The following ATAD2B variants were observed in gnomAD, a reference collection of about 807,000 sequenced individuals.
ATAD2B encodes the protein ATPase family AAA domain-containing protein 2B.
A neutral mutation model predicts 167.6 loss-of-function variants in ATAD2B; 40 were observed. The observed-to-expected ratio is 0.24, with a 90% CI of 0.19 to 0.31. The LOEUF is 0.31. Among genes scored for constraint, ATAD2B ranks in the 10% least tolerant of loss-of-function variants. The probability of loss-of-function intolerance (pLI) is 1.00; values close to 1 mark genes in which losing one functional copy is unlikely to be tolerated. For missense variants in ATAD2B, 1,242 were observed against 1,757.2 expected (o/e 0.71, Z 5.24); for synonymous variants, 579 against 596.5 (o/e 0.97, Z 0.43).
At chr2:23,881,317 A>C (rs1052857207) in intron 6 of ATAD2B, among the ~76,000 whole-genome samples, 11 of 150,034 alleles carry the variant, frequency 7.3e-5, no homozygotes, top group Admixed American at 2.7e-4. Context: ...ACAGACTTCT[A>C]GGGTATTGGT....
At chr2:23,686,374 G>T in the ATAD2B span, among the ~76,000 whole-genome samples, 1 of 152,170 alleles carries the variant, frequency 6.6e-6, no homozygotes, top group East Asian at 1.9e-4. Context: ...GGAGACCTGG[G>T]TCCTACGCCT....
chr2:23,822,550 A>C (rs1487903694), intron 16 of ATAD2B, among the ~76,000 whole-genome samples: 1 of 151,906 alleles, frequency 6.6e-6, no homozygotes, highest in African/African-American at 2.4e-5. Flanking sequence ...GTCTCAAAAA[A>C]AATAAATTAC....
At chr2:23,892,924 T>C (rs72851387) in intron 2 of ATAD2B, among the ~76,000 whole-genome samples, 1,575 of 152,370 alleles carry the variant, frequency 0.01, 23 homozygotes, top group African/African-American at 0.037. Flanking sequence ...ACTCACAGTA[T>C]TTGTAAGCTA....
At chr2:23,918,868 T>C (rs1703463668) in intron 1 of ATAD2B, among the ~76,000 whole-genome samples, 1 of 152,190 alleles carries the variant, frequency 6.6e-6, no homozygotes, top group Admixed American at 6.5e-5. Flanking sequence ...CCACTTAACC[T>C]CTAAGGCAAC....
Position 23,786,074 on chromosome 2 carries a change from T to C in ATAD2B, c.2926A>G (p.Thr976Ala), listed in dbSNP as rs773011937. 2 of 1,612,338 alleles carry C rather than the reference T, an allele frequency of 1.2e-6. No individual in the cohort carries two copies. Among genetic ancestry groups the C allele is most frequent in the Non-Finnish European group, 1.7e-6 (2 of 1,179,116 alleles). The change falls in exon 21 of 28, where the codon ACA becomes GCA. Residue 976 changes from threonine (T) to alanine (A), a missense_variant. Thr to Ala is a moderately conservative substitution (Grantham distance 58). Around this residue, in one of 9 missense-constraint regions of ATAD2B, gnomAD observed 204 missense variants for 324.0 expected, o/e 0.63. Coordinates refer to ENST00000238789, the MANE Select transcript of ATAD2B (RefSeq NM_017552.4). The stretch of plus-strand genomic sequence containing the variant: ...CTGAAGATGTTAAAGCGTTTATCTG[T>C]GGCCAGCCTCTTGGTTACATCCCTG... ...FLRDVTKRLA[T>A]DKRFNIFSKP...
chr2:23,717,501 A>C, the ATAD2B span, among the ~76,000 whole-genome samples: 3 of 152,126 alleles, frequency 2.0e-5, no homozygotes, highest in East Asian at 5.8e-4. Flanking sequence ...GTCCAAATAG[A>C]AGGAGGTGAC....
rs1675741201 is a variant in ATAD2B at position 23,754,636 on chromosome 2, G to C, written c.4206+11C>G. The C allele has an allele frequency of 1.2e-6, 2 of 1,608,442 alleles. No homozygotes were observed. Among genetic ancestry groups the C allele is most frequent in the South Asian group, 1.1e-5 (1 of 89,826 alleles). The stretch of plus-strand genomic sequence containing the variant: ...TTCATTTAAAACTTGACTGGGAATA[G>C]CTAAGCTTACCTTCAATCTCTCACG... On this transcript the variant is annotated intron_variant, in intron 26 of 27. Transcript: ENST00000238789.
At chr2:23,899,434 A>T (rs1262401997) in intron 1 of ATAD2B, among the ~76,000 whole-genome samples, 24 of 152,118 alleles carry the variant, frequency 1.6e-4, no homozygotes, top group Admixed American at 1.6e-3. Context: ...ACCATCACTT[A>T]TTAGGTTAAG....
At chr2:23,808,140 ACTTAT>A (rs1303305254) in intron 18 of ATAD2B, among the ~76,000 whole-genome samples, 1 of 105,528 alleles carries the variant, frequency 9.5e-6, no homozygotes, top group African/African-American at 4.0e-5. Flanking sequence ...ATAAGTGATT[ACTTAT>A]ATTATATGTT....
In ATAD2B at chr2:23,751,949, G is replaced by T; in HGVS notation, c.*97C>A. 1.0e-6 allele frequency: 1 copy of T among 959,374 alleles called. No homozygotes were observed. Among genetic ancestry groups the T allele is most frequent in the Non-Finnish European group, 1.6e-6 (1 of 622,162 alleles). 59.4% of individuals were successfully genotyped at this position (959,374 alleles called of 1,614,324 possible). On this transcript the variant is annotated 3_prime_UTR_variant, in exon 28 of 28. Transcript: ENST00000238789. ...GAGTGAGAGAGCACTTTACACCAAGGCTCTGCACATAATTGGTGCAATTTG... is the reference window on the plus strand; with the variant it reads ...GAGTGAGAGAGCACTTTACACCAAGTCTCTGCACATAATTGGTGCAATTTG...
chr2:23,678,820 A>C, the ATAD2B span, among the ~76,000 whole-genome samples: 1 of 152,230 alleles, frequency 6.6e-6, no homozygotes, highest in African/African-American at 2.4e-5. Context: ...CACAGGACAA[A>C]TATTGCATAA....
the ATAD2B span, chr2:23,696,196 G>A: frequency 4.4e-5 from 66 of 1,511,480 alleles, no homozygotes; most frequent in East Asian, 6.9e-4. The surrounding 1 kb of genome is among the most constrained non-coding windows in gnomAD (Gnocchi z 5.5). Flanking sequence ...TGCTCCCCAC[G>A]TCAGGGCTGA....
intron 13 of ATAD2B, among the ~76,000 whole-genome samples, chr2:23,838,133 C>A (rs2149786025): frequency 6.6e-6 from 1 of 152,282 alleles, no homozygotes; most frequent in South Asian, 2.1e-4. Flanking sequence ...AATCAAAATG[C>A]TAGATACCCA....
intron 2 of ATAD2B, 141 bp from the exon 3 acceptor site, chr2:23,888,540 A>G (rs1172898185): frequency 6.9e-6 from 4 of 577,892 alleles, no homozygotes; most frequent in East Asian, 6.4e-5. Context: ...GATTGGTAAT[A>G]TGTCAATTAA....
the ATAD2B span, among the ~76,000 whole-genome samples, chr2:23,729,539 G>A: frequency 1.3e-5 from 2 of 151,918 alleles, no homozygotes; most frequent in East Asian, 1.9e-4. Flanking sequence ...CCTCCTCTGC[G>A]CAACTCATCA....
At chr2:23,730,869 A>C in the ATAD2B span, among the ~76,000 whole-genome samples, 1 of 151,850 alleles carries the variant, frequency 6.6e-6, no homozygotes, top group Admixed American at 6.6e-5. Flanking sequence ...AGAAAATAAA[A>C]GTAACAATAC....
At chr2:23,754,044 G>T in intron 27 of ATAD2B, 135 bp downstream of exon 27, 2 of 707,626 alleles carry the variant, frequency 2.8e-6, no homozygotes. Flanking sequence ...AATGATTTTT[G>T]TCTTAAATCT....
intron 13 of ATAD2B, among the ~76,000 whole-genome samples, chr2:23,845,353 T>A (rs1316842052): frequency 1.3e-5 from 2 of 152,090 alleles, no homozygotes; most frequent in Non-Finnish European, 2.9e-5. Flanking sequence ...ATAAGAATAC[T>A]GTTCAGCAAT....
chr2:23,889,060 T>G (rs1699094900), intron 2 of ATAD2B, among the ~76,000 whole-genome samples: 1 of 152,178 alleles, frequency 6.6e-6, no homozygotes, highest in African/African-American at 2.4e-5. Context: ...ATAAAAGAGT[T>G]GTCAATGCAA....
Sources: allele counts gnomAD v4.1 joint callset (sites outside exome capture counted in the v4.1 genomes callset), GRCh38; gene constraint gnomAD v4.1.1; regional missense constraint gnomAD v4.1.1; non-coding constraint Gnocchi (gnomAD v3.1); transcripts MANE v1.5; gene names NCBI Gene and HGNC (gene_info 2026-07-23, HGNC 2026-07-21).